TMEM131: variants seen among roughly 807,000 people sequenced by gnomAD.
TMEM131 encodes the protein transmembrane protein 131, also known as 2610524E03Rik.
A neutral mutation model predicts 211.6 loss-of-function variants in TMEM131; 66 were observed. The observed-to-expected ratio is 0.31, with a 90% CI of 0.26 to 0.38. TMEM131 has a LOEUF of 0.38. Ranked by LOEUF, TMEM131 falls within the 10% of genes least tolerant of loss-of-function variation. The pLI is 1.00. For synonymous variants in TMEM131, 844 were observed against 841.3 expected (o/e 1.00, Z -0.06); for missense variants, 2,036 against 2,299.3 (o/e 0.89, Z 2.34).
At chr2:97,801,087 G>A (rs1399599607) in intron 25 of TMEM131, among the ~76,000 whole-genome samples, 1 of 152,216 alleles carries the variant, frequency 6.6e-6, no homozygotes. Context: ...CTATGGGAAA[G>A]AATACAGTAT....
At chr2:97,867,017 T>G (rs1193429470) in intron 4 of TMEM131, among the ~76,000 whole-genome samples, 1 of 152,232 alleles carries the variant, frequency 6.6e-6, no homozygotes, top group Non-Finnish European at 1.5e-5. Flanking sequence ...AATTCAGATT[T>G]TGGAGCATTT....
chr2:97,966,661 A>G (rs1679072477), intron 1 of TMEM131, among the ~76,000 whole-genome samples: 1 of 152,202 alleles, frequency 6.6e-6, no homozygotes, highest in Admixed American at 6.5e-5. Flanking sequence ...AGTAGTCCAG[A>G]GTCAAACATA....
chr2:97,995,374 C>T, intron 1 of TMEM131, 102 bp downstream of exon 1: 1 of 1,190,458 alleles, frequency 8.4e-7, no homozygotes, highest in Non-Finnish European at 1.1e-6. Flanking sequence ...CAACTTTGCG[C>T]CGGAGCCCCG....
chr2:97,976,022 C>G (rs1049579817), intron 1 of TMEM131, among the ~76,000 whole-genome samples: 1 of 152,040 alleles, frequency 6.6e-6, no homozygotes, highest in African/African-American at 2.4e-5. Context: ...CTGTTAAAAA[C>G]TCTCTTCAAA....
At chr2:97,849,740 T>A (rs1003070305) in intron 5 of TMEM131, among the ~76,000 whole-genome samples, 1 of 103,574 alleles carries the variant, frequency 9.7e-6, no homozygotes, top group African/African-American at 3.6e-5. Flanking sequence ...TTTTTTTTTT[T>A]ACTGTTTTGG....
At chr2:97,937,848 C>T (rs1461898342) in intron 1 of TMEM131, among the ~76,000 whole-genome samples, 1 of 152,168 alleles carries the variant, frequency 6.6e-6, no homozygotes, top group Non-Finnish European at 1.5e-5. Flanking sequence ...AGAAACTCTG[C>T]AAGCCAGAAG....
intron 11 of TMEM131, among the ~76,000 whole-genome samples, chr2:97,831,446 C>T (rs766027507): frequency 1.5e-4 from 23 of 151,862 alleles, no homozygotes; most frequent in South Asian, 4.2e-4. Context: ...TGAATGAAGG[C>T]GGGAATAAGA....
intron 31 of TMEM131, among the ~76,000 whole-genome samples, chr2:97,781,655 T>C (rs1680010987): frequency 6.6e-6 from 1 of 152,176 alleles, no homozygotes; most frequent in Non-Finnish European, 1.5e-5. Context: ...TCCTTATTCT[T>C]CCTGCCAAGC....
chr2:97,758,439 TCTAAC>T (rs761429496), intron 40 of TMEM131, among the ~76,000 whole-genome samples: 3 of 152,202 alleles, frequency 2.0e-5, no homozygotes, highest in Non-Finnish European at 4.4e-5. Flanking sequence ...CTCTTGAAAA[TCTAAC>T]CTAAGAGACA....
Position 97,973,673 on chromosome 2 carries a change from T to A in TMEM131, c.187+21803A>T, listed in dbSNP as rs143596232. ...CTGGGGAAGGAACCATCCAAAAGGA[T>A]TAGAGGAACAATGCCCACCATTCAA... On this transcript the variant is annotated intron_variant, in intron 1 of 40. Coordinates refer to ENST00000186436, the MANE Select transcript of TMEM131 (RefSeq NM_015348.2). Among the ~76,000 whole-genome samples the A allele has an allele frequency of 7.9e-5, 12 of 152,286 alleles. No homozygotes were observed. In the East Asian group the frequency reaches 2.3e-3, roughly 29 times the overall value.
At chr2:97,929,161 G>T (rs2104449501) in intron 1 of TMEM131, among the ~76,000 whole-genome samples, 1 of 151,692 alleles carries the variant, frequency 6.6e-6, no homozygotes, top group African/African-American at 2.4e-5. Context: ...ATCCTATAGT[G>T]CCGGAAAGTA....
chr2:97,798,828 T>G (rs547950441), intron 25 of TMEM131, among the ~76,000 whole-genome samples: 1 of 152,376 alleles, frequency 6.6e-6, no homozygotes, highest in East Asian at 1.9e-4. Context: ...ATATTCCAAC[T>G]GCTTCAAGAT....
chr2:97,982,448 T>C (rs1485748920), intron 1 of TMEM131, among the ~76,000 whole-genome samples: 1 of 152,232 alleles, frequency 6.6e-6, no homozygotes, highest in Admixed American at 6.5e-5. Context: ...CGAAAATTTT[T>C]CTTCCATTCT....
intron 1 of TMEM131, among the ~76,000 whole-genome samples, chr2:97,937,272 T>C (rs1344331161): frequency 6.6e-6 from 1 of 151,986 alleles, no homozygotes; most frequent in African/African-American, 2.4e-5. Context: ...AAAAGTACAA[T>C]AACTAAAATA....
intron 29 of TMEM131, among the ~76,000 whole-genome samples, chr2:97,794,298 A>G (rs1485906877): frequency 6.6e-6 from 1 of 152,062 alleles, no homozygotes; most frequent in Admixed American, 6.5e-5. Flanking sequence ...GGCCTCCCAA[A>G]GTGCTGGGAA....
intron 1 of TMEM131, among the ~76,000 whole-genome samples, chr2:97,972,785 G>A (rs190815384): frequency 6.6e-6 from 1 of 152,132 alleles, no homozygotes; most frequent in African/African-American, 2.4e-5. Context: ...GTGACCCAGA[G>A]AGAAGGCACA....
rs117504064 is a variant in TMEM131, at chr2:97,766,084, G to T, written c.4723+30C>A. 1.4e-3 allele frequency: 2,321 copies of T among 1,612,062 alleles called. 56 individuals are homozygous for T. The East Asian group carries it at 0.042, about 29-fold the overall frequency. ...GTGGGGTGGATTGTGGGTAAGTGGA[G>T]CCCTGTGGTTTCTAAACTACTATAC... On this transcript the variant is annotated intron_variant, in intron 35 of 40. Coordinates refer to ENST00000186436, the MANE Select transcript of TMEM131 (RefSeq NM_015348.2).
chr2:97,818,472 GC>G lies in TMEM131; in HGVS notation c.1183+140del, dbSNP rs1282096077. On this transcript the variant is annotated intron_variant, in intron 12 of 40. Transcript: ENST00000186436. Reference sequence around the variant, plus strand: ...TCATGATGGTTTACAGCGGGGGGGGGCGGGGGGGGATCAACCTAAGCAGTAA... The same window carrying G: ...TCATGATGGTTTACAGCGGGGGGGGGGGGGGGGGATCAACCTAAGCAGTAA... 258 of 103,100 alleles carry G rather than the reference GC, an allele frequency of 2.5e-3. 15 individuals carry two copies. Among genetic ancestry groups the G allele is most frequent in the African/African-American group, 0.023 (140 of 6,082 alleles). 6.4% of individuals were successfully genotyped at this position (103,100 alleles called of 1,614,324 possible).
In TMEM131 at chr2:97,802,410, A is replaced by G; in HGVS notation, c.2651+18T>C. 1.3e-6 allele frequency: 2 copies of G among 1,534,956 alleles called. No individual in the cohort carries two copies. The highest frequency in any genetic ancestry group is 1.8e-6 in the Non-Finnish European group (2 of 1,124,056). Reference sequence around the variant, plus strand: ...AATACTACATAGAAACACTGTGATGATCCCAAGCAATACTTACCTTGATAC... The same window carrying G: ...AATACTACATAGAAACACTGTGATGGTCCCAAGCAATACTTACCTTGATAC... On this transcript the variant is annotated intron_variant, in intron 24 of 40. Transcript: ENST00000186436.
Sources: gnomAD v4.1 joint callset for allele counts (sites outside exome capture counted in the v4.1 genomes callset) on GRCh38, gnomAD v4.1.1 for gene constraint, MANE v1.5 for transcripts, NCBI Gene and HGNC (gene_info 2026-07-23, HGNC 2026-07-21) for gene names.